DNHD1: variants seen among roughly 807,000 people sequenced by gnomAD.
DNHD1 encodes the protein dynein heavy chain domain 1, also known as dynein heavy chain domain-containing protein 1.
A neutral mutation model predicts 458.1 loss-of-function variants in DNHD1; 383 were observed. That is an observed-to-expected ratio of 0.84 (90% CI 0.77 to 0.91). The LOEUF (loss-of-function observed/expected upper bound fraction) is 0.91. Ranked by LOEUF, DNHD1 falls within the 40% of genes least tolerant of loss-of-function variation. The probability of loss-of-function intolerance (pLI) is 0.00; values close to 1 mark genes in which losing one functional copy is unlikely to be tolerated. For missense variants in DNHD1, 5,336 were observed against 5,866.1 expected (o/e 0.91, Z 2.95); for synonymous variants, 2,203 against 2,376.9 (o/e 0.93, Z 2.13).
intron 14 of DNHD1, among the ~76,000 whole-genome samples, chr11:6,537,990 C>T (rs1053389390): frequency 6.6e-6 from 1 of 152,092 alleles, no homozygotes; most frequent in Non-Finnish European, 1.5e-5. Context: ...AGGGCATGAG[C>T]CATGTGATTC....
chr11:6,548,463 C>T lies in DNHD1; in HGVS notation c.7098+61C>T. On this transcript the variant is annotated intron_variant, in intron 23 of 42. Transcript: ENST00000254579. This position sits in a 1 kb window ranked among gnomAD's most constrained non-coding sequence, Gnocchi z 4.4. The stretch of plus-strand genomic sequence containing the variant: ...CTTCAGGACTTATTTTAGGGGTAAT[C>T]CATGTTCAAAGATCAGCTGAGGCCC... The T allele has an allele frequency of 6.6e-7, 1 of 1,516,690 alleles. No individual in the cohort carries two copies. The highest frequency in any genetic ancestry group is 1.2e-5 in the South Asian group (1 of 80,934). 94.0% of individuals were successfully genotyped at this position (1,516,690 alleles called of 1,614,324 possible). A position where few individuals can be genotyped will look rare whatever the true frequency, so the allele number is the denominator to read the frequency against.
Position 6,548,613 on chromosome 11 carries a change from G to A in DNHD1, c.7099-32G>A, listed in dbSNP as rs542827029. On this transcript the variant is annotated intron_variant, in intron 23 of 42. Coordinates refer to ENST00000254579, the MANE Select transcript of DNHD1 (RefSeq NM_144666.3). This position sits in a 1 kb window ranked among gnomAD's most constrained non-coding sequence, Gnocchi z 4.4. ...GCTAGATTACTGTCTTATACTGGAG[G>A]TGCTGCAGTAAGTCCCACTTCTGTC... The A allele has an allele frequency of 1.6e-5, 25 of 1,549,794 alleles. No individual in the cohort carries two copies. Among genetic ancestry groups the A allele is most frequent in the South Asian group, 4.8e-5 (4 of 84,016 alleles).
intron 28 of DNHD1, among the ~76,000 whole-genome samples, chr11:6,561,171 C>T (rs989041954): frequency 1.1e-4 from 17 of 152,210 alleles, no homozygotes; most frequent in South Asian, 2.1e-4. Context: ...CACAGTGGCT[C>T]ATGCCTGTAA....
At chr11:6,523,977 C>T (rs1852656473) in intron 10 of DNHD1, among the ~76,000 whole-genome samples, 1 of 152,032 alleles carries the variant, frequency 6.6e-6, no homozygotes, top group African/African-American at 2.4e-5. Context: ...GACAGAGATA[C>T]CAAATCTAAA....
rs371710325 is a variant in DNHD1, at chr11:6,564,728, C to T, written c.10680C>T (p.Asn3560=). The change falls in exon 32 of 43, where the codon AAC becomes AAT. Residue 3560 remains asparagine (N), a synonymous_variant. Coordinates refer to ENST00000254579, the MANE Select transcript of DNHD1 (RefSeq NM_144666.3). ...GGCCTCTGCTGCTTGACCCCAGCAA[C>T]GAGGCCCTCATCTGGTTGGACCCGC... ...CRWPLLLDPS[N]EALIWLDPLP... is the part of the protein sequence containing the mutation. The T allele has an allele frequency of 1.0e-4, 156 of 1,549,778 alleles. 1 individual carries two copies. In the African/African-American group the frequency reaches 1.0e-3, roughly 10 times the overall value.
At chr11:6,524,743 A>G (rs1434002434) in intron 10 of DNHD1, among the ~76,000 whole-genome samples, 1 of 152,166 alleles carries the variant, frequency 6.6e-6, no homozygotes. Context: ...GTTTGGCTAT[A>G]AACGTCTATT....
intron 19 of DNHD1, 95 bp from the exon 20 acceptor site, chr11:6,544,479 G>A: frequency 8.8e-7 from 1 of 1,134,134 alleles, no homozygotes; most frequent in Non-Finnish European, 1.3e-6. Flanking sequence ...GCTTGGGCTG[G>A]TGGGGTACCT....
In DNHD1 at chr11:6,504,853, G is replaced by C. The variant is rs150808111; in HGVS notation, c.920+1927G>C. ...TCTTTTTGTTGTTGTTCTTTTTTTA[G>C]ACAGTCTTGCTCTGTTGCCCCAGCT... is the stretch of plus-strand genomic sequence containing the variant. On this transcript the variant is annotated intron_variant, in intron 4 of 42. Transcript: ENST00000254579. Among the ~76,000 whole-genome samples, 7 of 152,120 alleles carry C rather than the reference G, an allele frequency of 4.6e-5. No homozygotes were observed. The East Asian group carries it at 1.4e-3, about 29-fold the overall frequency.
rs538174069 is a variant in DNHD1 at position 6,540,037 on chromosome 11, C to G, written c.3582C>G (p.Pro1194=). The G allele has an allele frequency of 3.2e-6, 5 of 1,551,680 alleles. No individual in the cohort carries two copies. In the Admixed American group the frequency reaches 5.9e-5, roughly 18 times the overall value. Residue 1194 remains proline, a synonymous_variant, in exon 18 of 43, where the codon CCC becomes CCG. Transcript: ENST00000254579. ...ERSKRQVLRS[P]QWEVVDKDSG... ...CCAAGAGGCAGGTGCTCCGCAGCCC[C>G]CAATGGGAGGTAGTGGACAAAGATA... is the stretch of plus-strand genomic sequence containing the variant.
At chr11:6,563,595 TA>T (rs1479148723) in intron 30 of DNHD1, 31 bp downstream of exon 30, 9 of 1,549,358 alleles carry the variant, frequency 5.8e-6, no homozygotes, top group Admixed American at 2.0e-5. Flanking sequence ...TGAAGGAGGA[TA>T]GGGGAGGCAT....
At chr11:6,501,890 G>GA (rs2134364169) in intron 3 of DNHD1, among the ~76,000 whole-genome samples, 1 of 152,284 alleles carries the variant, frequency 6.6e-6, no homozygotes, top group South Asian at 2.1e-4. Context: ...GTTCATCAAG[G>GA]ACATATGTAT....
At position 6,551,864 on chromosome 11, in the gene DNHD1, C is replaced by T. The variant is rs1375101793; in HGVS notation, c.7387+2931C>T. On this transcript the variant is annotated intron_variant, in intron 24 of 42. Coordinates refer to ENST00000254579, the MANE Select transcript of DNHD1 (RefSeq NM_144666.3). Reference sequence around the variant, plus strand: ...GCTGAGGCAGGAGAATTGCTTGAACCAGGGAGGTGGAAGTTGCGGTGAGCT... The same window carrying T: ...GCTGAGGCAGGAGAATTGCTTGAACTAGGGAGGTGGAAGTTGCGGTGAGCT... Among the ~76,000 whole-genome samples, 3 of 133,896 alleles carry T rather than the reference C, an allele frequency of 2.2e-5. 1 individual carries two copies. Among genetic ancestry groups the T allele is most frequent in the African/African-American group, 9.4e-5 (3 of 32,052 alleles). 87.8% of individuals were successfully genotyped at this position (133,896 alleles called of 152,430 possible). A position where few individuals can be genotyped will look rare whatever the true frequency, so the allele number is the denominator to read the frequency against.
Position 6,562,968 on chromosome 11 carries a change from A to T in DNHD1, c.9520-14A>T, listed in dbSNP as rs893483371. ...CAAGATCTGGAGCTGCAGGGCCTGG[A>T]TCTGTCTCTGCAGAGTCTCAGCATG... On this transcript the variant is annotated splice_polypyrimidine_tract_variant and intron_variant, in intron 28 of 42. Coordinates refer to ENST00000254579, the MANE Select transcript of DNHD1 (RefSeq NM_144666.3). The T allele has an allele frequency of 5.8e-6, 9 of 1,550,132 alleles. No homozygotes were observed. The Admixed American group carries it at 1.8e-4, about 30-fold the overall frequency.
rs748478865 is a variant in DNHD1 at position 6,564,700 on chromosome 11, G to T, written c.10652G>T (p.Arg3551Leu). The T allele has an allele frequency of 6.4e-7, 1 of 1,551,198 alleles. No individual in the cohort carries two copies. The highest frequency in any genetic ancestry group is 2.4e-5 in the East Asian group (1 of 40,886). The change falls in exon 32 of 43, where the codon CGT becomes CTT. Residue 3551 changes from arginine (R) to leucine (L), a missense_variant. This residue lies in a region of DNHD1 where 11 missense variants were observed against 31.4 expected (regional missense o/e 0.35). Transcript: ENST00000254579. ...LRSPTHYSSC[R>L]WPLLLDPSNE... is the part of the protein sequence containing the mutation. Reference sequence around the variant, plus strand: ...AGCCCCACACACTACAGTAGTTGCCGTTGGCCTCTGCTGCTTGACCCCAGC... The same window carrying T: ...AGCCCCACACACTACAGTAGTTGCCTTTGGCCTCTGCTGCTTGACCCCAGC...
chr11:6,570,445 A>C, intron 41 of DNHD1, 49 bp downstream of exon 41: 1 of 1,544,782 alleles, frequency 6.5e-7, no homozygotes, highest in Middle Eastern at 2.3e-4. Flanking sequence ...AGTGCAATGC[A>C]ATGCCACCCC....
chr11:6,566,048 C>T (rs1396728223), intron 33 of DNHD1, 57 bp downstream of exon 33: 1 of 1,513,568 alleles, frequency 6.6e-7, no homozygotes, highest in Non-Finnish European at 8.9e-7. Flanking sequence ...ATTCTGTGAC[C>T]CCACAGGCCT....
Position 6,562,936 on chromosome 11 carries a change from C to T in DNHD1, c.9520-46C>T, listed in dbSNP as rs569687927. 14 of 1,535,444 alleles carry T rather than the reference C, an allele frequency of 9.1e-6. No homozygotes were observed. The South Asian group carries it at 9.8e-5, about 11-fold the overall frequency. ...TCATAGGGTCTTCTGGGGTTTCCCG[C>T]GTGGCCCAAGATCTGGAGCTGCAGG... is the stretch of plus-strand genomic sequence containing the variant. On this transcript the variant is annotated intron_variant, in intron 28 of 42. Coordinates refer to ENST00000254579, the MANE Select transcript of DNHD1 (RefSeq NM_144666.3).
At chr11:6,509,361 A>T (rs1013954248) in intron 6 of DNHD1, 89 bp downstream of exon 6, 1 of 1,217,556 alleles carries the variant, frequency 8.2e-7, no homozygotes. Context: ...AATCTGAAAG[A>T]TACAAAAAAG....
At chr11:6,522,436 A>C (rs1309268876) in intron 10 of DNHD1, among the ~76,000 whole-genome samples, 1 of 152,174 alleles carries the variant, frequency 6.6e-6, no homozygotes, top group East Asian at 1.9e-4. Flanking sequence ...GGACACAAAG[A>C]GGGGAACAAC....
Sources: gnomAD v4.1 joint callset for allele counts (sites outside exome capture counted in the v4.1 genomes callset) on GRCh38, gnomAD v4.1.1 for gene constraint, gnomAD v4.1.1 regional missense constraint, Gnocchi (gnomAD v3.1) non-coding constraint, MANE v1.5 for transcripts, NCBI Gene and HGNC (gene_info 2026-07-23, HGNC 2026-07-21) for gene names.